Variants in PPP1R11 observed in about 807,000 individuals in gnomAD.
The protein encoded by PPP1R11 is E3 ubiquitin-protein ligase PPP1R11.
Under a neutral mutation model 11.3 loss-of-function variants are expected in PPP1R11, and 10 were observed. The ratio of observed to expected loss-of-function variants is 0.88; its 90% CI spans 0.55 to 1.50. The LOEUF (loss-of-function observed/expected upper bound fraction) is 1.50, where lower values mean the gene tolerates loss of function less well. Ranked by LOEUF, PPP1R11 falls within the 40% of genes most tolerant of loss-of-function variation. The probability of loss-of-function intolerance (pLI) is 0.00; values close to 1 mark genes in which losing one functional copy is unlikely to be tolerated. For synonymous variants in PPP1R11, 56 were observed against 62.3 expected (o/e 0.90, Z 0.48); for missense variants, 114 against 179.1 (o/e 0.64, Z 2.07).
upstream of PPP1R11, chr6:30,061,796 C>A: frequency 6.4e-7 from 1 of 1,551,150 alleles, no homozygotes; most frequent in Non-Finnish European, 8.8e-7. The surrounding 1 kb of genome is among the most constrained non-coding windows in gnomAD (Gnocchi z 5.0). Flanking sequence ...TTTGGTCTAG[C>A]GATGAAAACT....
At chr6:30,064,584 C>A, upstream of PPP1R11, 1 of 1,246,240 alleles carries the variant, frequency 8.0e-7, no homozygotes, top group Non-Finnish European at 1.1e-6. Flanking sequence ...AATAAAAGTC[C>A]TTCCTTGATT....
intron 1 of PPP1R11, among the ~76,000 whole-genome samples, chr6:30,067,946 G>T (rs371256850): frequency 5.3e-4 from 80 of 152,264 alleles, no homozygotes; most frequent in African/African-American, 1.7e-3. Flanking sequence ...GGTATTTTGA[G>T]AAATCAGAGA....
chr6:30,067,340 C>A lies in PPP1R11; in HGVS notation c.-71C>A, dbSNP rs1765613651. 1 of 1,478,110 alleles carries A rather than the reference C, an allele frequency of 6.8e-7. No individual in the cohort carries two copies. Among genetic ancestry groups the A allele is most frequent in the Non-Finnish European group, 9.4e-7 (1 of 1,059,696 alleles). The allele number at this position is 1,478,110 out of a possible 1,614,324, so 91.6% of individuals were successfully genotyped here. A position where few individuals can be genotyped will look rare whatever the true frequency, so the allele number is the denominator to read the frequency against. ...TGAATCCGATACCGCTTCTCTTAGA[C>A]CTCAGCGACAGAAAAAGGGAAGGGT... On this transcript the variant is annotated 5_prime_UTR_variant, in exon 1 of 3. Coordinates refer to ENST00000376772, the MANE Select transcript of PPP1R11 (RefSeq NM_021959.3).
At position 30,067,431 on chromosome 6, in the gene PPP1R11, G is replaced by A; in HGVS notation, c.21G>A (p.Gly7=). The A allele has an allele frequency of 6.2e-7, 1 of 1,614,186 alleles. No homozygotes were observed. The highest frequency in any genetic ancestry group is 8.5e-7 in the Non-Finnish European group (1 of 1,180,016). Reference sequence around the variant, plus strand: ...TAGCCATGGCCGAGGCAGGGGCTGGGCTGAGCGAGACCGTCACTGAGACAA... The same window carrying A: ...TAGCCATGGCCGAGGCAGGGGCTGGACTGAGCGAGACCGTCACTGAGACAA... The part of the protein sequence containing the change: MAEAGA[G]LSETVTETTV... The change falls in exon 1 of 3, where the codon GGG becomes GGA. Residue 7 remains glycine, a synonymous_variant. Coordinates refer to ENST00000376772, the MANE Select transcript of PPP1R11 (RefSeq NM_021959.3).
intron 1 of PPP1R11, 131 bp downstream of exon 1, chr6:30,067,610 C>A: frequency 1.7e-6 from 2 of 1,163,126 alleles, no homozygotes; most frequent in Non-Finnish European, 2.5e-6. Context: ...ATATCTAGGG[C>A]TGGGAGAATC....
upstream of PPP1R11, chr6:30,061,808 A>T (rs1416482256): frequency 1.3e-6 from 2 of 1,550,778 alleles, no homozygotes; most frequent in Non-Finnish European, 1.8e-6. The surrounding 1 kb of genome is among the most constrained non-coding windows in gnomAD (Gnocchi z 5.0). Context: ...ATGAAAACTG[A>T]GGGAAAGGAT....
chr6:30,068,307 A>G (rs190465394), intron 1 of PPP1R11: 123 of 286,430 alleles, frequency 4.3e-4, no homozygotes, highest in African/African-American at 2.4e-3. Flanking sequence ...ACGGAGAAAC[A>G]GCAAGGATTA....
chr6:30,062,148 G>C, upstream of PPP1R11: 1 of 1,449,634 alleles, frequency 6.9e-7, no homozygotes, highest in Non-Finnish European at 9.7e-7. Context: ...CGACGTTTGA[G>C]AGGCGTGATC....
chr6:30,069,268 G>C lies in PPP1R11; in HGVS notation c.343G>C (p.Asp115His). 2 of 1,610,228 alleles carry C rather than the reference G, an allele frequency of 1.2e-6. No homozygotes were observed. Among genetic ancestry groups the C allele is most frequent in the Non-Finnish European group, 1.7e-6 (2 of 1,178,472 alleles). ...PTPTTPPQPP[D>H]PSQPPPGPMQ... is the part of the protein sequence containing the mutation. Reference sequence around the variant, plus strand: ...CCCCACCACCCCTCCCCAGCCTCCTGACCCTTCCCAGCCCCCTCCAGGGCC... The same window carrying C: ...CCCCACCACCCCTCCCCAGCCTCCTCACCCTTCCCAGCCCCCTCCAGGGCC... The change falls in exon 3 of 3, where the codon GAC (aspartate) becomes CAC (histidine). Residue 115 changes from aspartate to histidine, a missense_variant. Physicochemically the swap from Asp to His is moderately conservative, Grantham distance 81 (BLOSUM62 -1). Coordinates refer to ENST00000376772, the MANE Select transcript of PPP1R11 (RefSeq NM_021959.3). The surrounding 1 kb of genome is among the most constrained non-coding windows in gnomAD (Gnocchi z 6.6).
upstream of PPP1R11, chr6:30,061,835 T>C: frequency 6.4e-7 from 1 of 1,554,188 alleles, no homozygotes; most frequent in Admixed American, 1.7e-5. This position sits in a 1 kb window ranked among gnomAD's most constrained non-coding sequence, Gnocchi z 5.0. Context: ...CCTCCTGGCC[T>C]AACCAGCCAG....
upstream of PPP1R11, among the ~76,000 whole-genome samples, chr6:30,063,701 T>C (rs541162769): frequency 1.3e-5 from 2 of 152,310 alleles, no homozygotes. This position sits in a 1 kb window ranked among gnomAD's most constrained non-coding sequence, Gnocchi z 4.1. Flanking sequence ...ACTTGAACTG[T>C]AGGAATTCTT....
At chr6:30,061,560 C>CT in the PPP1R11 span, 1 of 1,613,148 alleles carries the variant, frequency 6.2e-7, no homozygotes, top group Non-Finnish European at 8.5e-7. This position sits in a 1 kb window ranked among gnomAD's most constrained non-coding sequence, Gnocchi z 5.0. Context: ...CTTGCTCCAG[C>CT]TTTCAGTCGG....
upstream of PPP1R11, among the ~76,000 whole-genome samples, chr6:30,062,714 C>CTTTTTTTTT (rs9278555): frequency 1.3e-3 from 54 of 42,384 alleles, no homozygotes; most frequent in African/African-American, 3.2e-3. Flanking sequence ...CCACGCCTGG[C>CTTTTTTTTT]TTTTTTTTTT....
intron 1 of PPP1R11, 55 bp from the exon 2 acceptor site, chr6:30,068,535 T>G: frequency 1.4e-6 from 2 of 1,424,694 alleles, no homozygotes; most frequent in Non-Finnish European, 2.0e-6. Context: ...TGGGAGGGAG[T>G]GGGAAAGGTT....
chr6:30,061,774 G>A (rs1765095212), upstream of PPP1R11: 2 of 1,571,226 alleles, frequency 1.3e-6, no homozygotes, highest in Admixed American at 3.5e-5. This position sits in a 1 kb window ranked among gnomAD's most constrained non-coding sequence, Gnocchi z 5.0. Context: ...CAGGACATCA[G>A]GCGGTTGTAC....
At position 30,069,053 on chromosome 6, in the gene PPP1R11, A is replaced by T. The variant is rs1196552950; in HGVS notation, c.179-51A>T. The T allele has an allele frequency of 2.7e-6, 4 of 1,498,028 alleles. No homozygotes were observed. The African/African-American group carries it at 5.5e-5, about 21-fold the overall frequency. The allele number at this position is 1,498,028 out of a possible 1,614,324, so 92.8% of individuals were successfully genotyped here. A position where few individuals can be genotyped will look rare whatever the true frequency, so the allele number is the denominator to read the frequency against. Reference sequence around the variant, plus strand: ...AGTTTGAGTGGGAATGGAACTGACTATATATCTTACCCTTCCTCCTCTTTA... The same window carrying T: ...AGTTTGAGTGGGAATGGAACTGACTTTATATCTTACCCTTCCTCCTCTTTA... On this transcript the variant is annotated intron_variant, in intron 2 of 2. Transcript: ENST00000376772. This position sits in a 1 kb window ranked among gnomAD's most constrained non-coding sequence, Gnocchi z 6.6.
Position 30,067,229 on chromosome 6 carries a change from G to C in PPP1R11, c.-182G>C. On this transcript the variant is annotated 5_prime_UTR_variant, in exon 1 of 3. Transcript: ENST00000376772. ...CCCGGAAGCGGCGAGCCGGAAGTGGGGTTAGCCAGGTTATCCCCAGGGGTG... is the reference window on the plus strand; with the variant it reads ...CCCGGAAGCGGCGAGCCGGAAGTGGCGTTAGCCAGGTTATCCCCAGGGGTG... 1 of 597,960 alleles carries C rather than the reference G, an allele frequency of 1.7e-6. No homozygotes were observed. Among genetic ancestry groups the C allele is most frequent in the Non-Finnish European group, 2.9e-6 (1 of 339,316 alleles). 37.0% of individuals were successfully genotyped at this position (597,960 alleles called of 1,614,324 possible).
upstream of PPP1R11, chr6:30,062,420 T>A (rs368504853): frequency 3.9e-4 from 330 of 849,342 alleles, 26 homozygotes; most frequent in East Asian, 1.7e-3. Flanking sequence ...AATGGCCGTT[T>A]CCCTTGGTCC....
chr6:30,061,809 G>A, upstream of PPP1R11: 1 of 1,550,896 alleles, frequency 6.4e-7, no homozygotes, highest in South Asian at 1.2e-5. This position sits in a 1 kb window ranked among gnomAD's most constrained non-coding sequence, Gnocchi z 5.0. Context: ...TGAAAACTGA[G>A]GGAAAGGATG....
Sources: gnomAD v4.1 joint callset for allele counts (sites outside exome capture counted in the v4.1 genomes callset) on GRCh38, gnomAD v4.1.1 for gene constraint, Gnocchi (gnomAD v3.1) non-coding constraint, MANE v1.5 for transcripts, NCBI Gene and HGNC (gene_info 2026-07-23, HGNC 2026-07-21) for gene names.